Variants in COX7B2 observed in about 807,000 individuals in gnomAD.
COX7B2 encodes cytochrome c oxidase subunit 7B2.
For synonymous variants in COX7B2, 37 were observed against 32.1 expected, an observed-to-expected ratio of 1.15 and a Z score of -0.51; for missense variants, 109 against 95.9, an observed-to-expected ratio of 1.14 and a Z score of -0.57.
chr4:46,797,100 A>C, intron 2 of COX7B2, among the ~76,000 whole-genome samples: 1 of 81,504 alleles, frequency 1.2e-5, no homozygotes, highest in Admixed American at 1.1e-4. Flanking sequence ...AATAAAAAAA[A>C]AAAAAAAAAA....
chr4:46,891,701 A>C (rs567256939), intron 1 of COX7B2, among the ~76,000 whole-genome samples: 5 of 152,002 alleles, frequency 3.3e-5, no homozygotes, highest in Non-Finnish European at 5.9e-5. Context: ...CCCTTCATCC[A>C]CTCTAGCTTC....
intron 2 of COX7B2, among the ~76,000 whole-genome samples, chr4:46,835,530 G>A (rs1715457401): frequency 1.3e-5 from 2 of 152,162 alleles, no homozygotes; most frequent in East Asian, 1.9e-4. Flanking sequence ...ACAGTAAGCA[G>A]GCCTAGTCCT....
chr4:46,874,358 G>A (rs1280334454), intron 1 of COX7B2, among the ~76,000 whole-genome samples: 1 of 152,198 alleles, frequency 6.6e-6, no homozygotes, highest in Non-Finnish European at 1.5e-5. Context: ...TCGCAGTGAA[G>A]ATACAAGAGG....
At chr4:46,792,221 A>T (rs1718087103) in intron 2 of COX7B2, among the ~76,000 whole-genome samples, 5 of 152,210 alleles carry the variant, frequency 3.3e-5, no homozygotes, top group Admixed American at 3.3e-4. Context: ...AAGTACTTCT[A>T]CATATATTGA....
chr4:46,837,679 T>G (rs1164193298), intron 2 of COX7B2, among the ~76,000 whole-genome samples: 1 of 152,076 alleles, frequency 6.6e-6, no homozygotes, highest in African/African-American at 2.4e-5. Context: ...TTACATTATA[T>G]ATTTTTCTAC....
intron 2 of COX7B2, among the ~76,000 whole-genome samples, chr4:46,777,208 C>A (rs1717199445): frequency 1.3e-5 from 2 of 151,830 alleles, no homozygotes; most frequent in Non-Finnish European, 2.9e-5. Context: ...TGAAACCAGA[C>A]CAAAAAAATT....
At chr4:46,793,655 G>A (rs1718166567) in intron 2 of COX7B2, among the ~76,000 whole-genome samples, 1 of 152,194 alleles carries the variant, frequency 6.6e-6, no homozygotes, top group Non-Finnish European at 1.5e-5. Context: ...TACATTGAAG[G>A]AGACCCTTAG....
At chr4:46,896,874 G>C (rs772663491) in intron 1 of COX7B2, among the ~76,000 whole-genome samples, 1 of 152,162 alleles carries the variant, frequency 6.6e-6, no homozygotes, top group Non-Finnish European at 1.5e-5. Flanking sequence ...AAGTACAGTT[G>C]AATGCATTTT....
intron 2 of COX7B2, among the ~76,000 whole-genome samples, chr4:46,782,932 C>T (rs554591495): frequency 1.2e-4 from 18 of 152,032 alleles, no homozygotes; most frequent in East Asian, 7.7e-4. Flanking sequence ...TGAGGGTCCG[C>T]GGCTTCATTC....
chr4:46,864,644 T>TTTTTTTTG (rs1553895062), intron 1 of COX7B2, among the ~76,000 whole-genome samples: 1 of 149,130 alleles, frequency 6.7e-6, no homozygotes, highest in Non-Finnish European at 1.5e-5. Flanking sequence ...CAGAGTTGTT[T>TTTTTTTTG]TTTGTTTGTT....
chr4:46,761,571 G>A (rs1218665516), intron 2 of COX7B2, among the ~76,000 whole-genome samples: 1 of 152,006 alleles, frequency 6.6e-6, no homozygotes, highest in East Asian at 1.9e-4. Flanking sequence ...AAGATTTCAG[G>A]CTGAGAATGC....
intron 1 of COX7B2, among the ~76,000 whole-genome samples, chr4:46,867,846 T>C (rs957085184): frequency 2.0e-5 from 3 of 152,196 alleles, no homozygotes; most frequent in African/African-American, 7.2e-5. Context: ...TTTTTGTTGT[T>C]GTGTCTCTGC....
chr4:46,752,854 C>T (rs192813599), intron 2 of COX7B2, among the ~76,000 whole-genome samples: 1 of 152,262 alleles, frequency 6.6e-6, no homozygotes, highest in East Asian at 1.9e-4. Flanking sequence ...CATCGATGTT[C>T]ATCAGCGATA....
intron 2 of COX7B2, among the ~76,000 whole-genome samples, chr4:46,832,492 A>C (rs1715213022): frequency 6.6e-6 from 1 of 152,196 alleles, no homozygotes; most frequent in African/African-American, 2.4e-5. Context: ...ATACACTGGC[A>C]AAAACCAGTT....
At chr4:46,790,299 T>C (rs1045590220) in intron 2 of COX7B2, among the ~76,000 whole-genome samples, 10 of 152,160 alleles carry the variant, frequency 6.6e-5, no homozygotes, top group African/African-American at 2.2e-4. Context: ...GCTAAATGTA[T>C]TTGGTTTCAT....
chr4:46,891,424 A>G (rs1411203070), intron 1 of COX7B2, among the ~76,000 whole-genome samples: 2 of 152,166 alleles, frequency 1.3e-5, no homozygotes, highest in Non-Finnish European at 2.9e-5. Flanking sequence ...GAAGAAGATG[A>G]TCTAGCAGAA....
intron 2 of COX7B2, among the ~76,000 whole-genome samples, chr4:46,825,649 T>G (rs1577616283): frequency 6.6e-6 from 1 of 152,122 alleles, no homozygotes; most frequent in Non-Finnish European, 1.5e-5. Flanking sequence ...AAGGCTACAG[T>G]AACCAAAACA....
intron 2 of COX7B2, among the ~76,000 whole-genome samples, chr4:46,821,639 T>A (rs1489298824): frequency 1.3e-5 from 2 of 152,284 alleles, no homozygotes; most frequent in East Asian, 3.9e-4. Flanking sequence ...GGAAGGAGAA[T>A]AAAATAGAAT....
At chr4:46,858,386 C>A (rs965299103) in intron 1 of COX7B2, among the ~76,000 whole-genome samples, 3 of 152,150 alleles carry the variant, frequency 2.0e-5, no homozygotes, top group African/African-American at 4.8e-5. Context: ...TGAGCCACCA[C>A]GCTTGGCCAC....
Sources: gnomAD v4.1 joint callset for allele counts (sites outside exome capture counted in the v4.1 genomes callset) on GRCh38, gnomAD v4.1.1 for gene constraint, MANE v1.5 for transcripts, NCBI Gene and HGNC (gene_info 2026-07-23, HGNC 2026-07-21) for gene names.